TAF4B: variants seen among roughly 807,000 people sequenced by gnomAD.
The protein encoded by TAF4B is transcription initiation factor TFIID subunit 4B.
In TAF4B, 38 loss-of-function variants were observed where a neutral mutation model predicts 86.4. That is an observed-to-expected ratio of 0.44 (90% CI 0.34 to 0.58). The LOEUF (loss-of-function observed/expected upper bound fraction) is 0.58, where lower values mean the gene tolerates loss of function less well. Ranked by LOEUF, TAF4B falls within the 20% of genes least tolerant of loss-of-function variation. TAF4B has a pLI of 0.02. For synonymous variants in TAF4B, 388 were observed against 391.2 expected, an observed-to-expected ratio of 0.99 and a Z score of 0.10; for missense variants, 988 against 1,027.6, an observed-to-expected ratio of 0.96 and a Z score of 0.53.
intron 13 of TAF4B, chr18:26,348,265 G>A (rs911366477): frequency 9.9e-5 from 15 of 152,116 alleles, no homozygotes; most frequent in African/African-American, 2.9e-4. Context: ...ATAATAAGAG[G>A]AATATTAAAA....
At chr18:26,282,102 TTACTC>T (rs2056457331) in intron 6 of TAF4B, 42 bp downstream of exon 6, 7 of 1,450,510 alleles carry the variant, frequency 4.8e-6, no homozygotes, top group African/African-American at 2.8e-5. Flanking sequence ...TTGGATTAGA[TTACTC>T]TAAAATAATT....
chr18:26,229,083 G>A (rs2055622883), intron 1 of TAF4B, among the ~76,000 whole-genome samples: 1 of 152,112 alleles, frequency 6.6e-6, no homozygotes, highest in Admixed American at 6.5e-5. Flanking sequence ...TTGAGTGTCA[G>A]TACTGAAAGG....
intron 11 of TAF4B, among the ~76,000 whole-genome samples, chr18:26,322,384 T>G (rs1169447949): frequency 6.6e-6 from 1 of 151,300 alleles, no homozygotes; most frequent in Non-Finnish European, 1.5e-5. Flanking sequence ...GAATATGTGA[T>G]CAACAGGAGA....
rs145347131 is a variant in TAF4B, at chr18:26,253,091, T to A, written c.344-12079T>A. Among the ~76,000 whole-genome samples the A allele has an allele frequency of 2.6e-5, 4 of 152,314 alleles. No individual in the cohort carries two copies. The East Asian group carries it at 7.7e-4, about 29-fold the overall frequency. On this transcript the variant is annotated intron_variant, in intron 1 of 14. Transcript: ENST00000269142. ...ACCCTTGGTGGAATTCTGAATATAA[T>A]GTTGAACAAAAGTAGTGATTGTAGG...
At chr18:26,320,967 A>G in intron 10 of TAF4B, 103 bp from the exon 11 acceptor site, 2 of 1,390,712 alleles carry the variant, frequency 1.4e-6, no homozygotes, top group Non-Finnish European at 2.0e-6. Flanking sequence ...ACCTTTATTC[A>G]TAATGGGTAT....
chr18:26,286,606 G>T, intron 7 of TAF4B, 107 bp downstream of exon 7: 1 of 1,258,834 alleles, frequency 7.9e-7, no homozygotes, highest in Non-Finnish European at 1.1e-6. Context: ...ACTGTTTACG[G>T]GTTTGACCAA....
chr18:26,227,267 C>T lies in TAF4B; in HGVS notation c.334C>T (p.Leu112Phe). The change falls in exon 1 of 15, where the codon CTT (leucine) becomes TTT (phenylalanine). Residue 112 changes from leucine (L) to phenylalanine (F), a missense_variant. Around this residue, in one of 3 missense-constraint regions of TAF4B, gnomAD observed 747 missense variants for 737.9 expected, o/e 1.01. Transcript: ENST00000269142. ...AATCCAGTTTCCTGCTAATTTGCAGCTTCCTCCAGGTATGTTGATAACCCT... is the reference window on the plus strand; with the variant it reads ...AATCCAGTTTCCTGCTAATTTGCAGTTTCCTCCAGGTATGTTGATAACCCT... ...TTIQFPANLQ[L>F]PPGTVLIKSN... The T allele has an allele frequency of 6.2e-7, 1 of 1,612,768 alleles. No individual in the cohort carries two copies. Among genetic ancestry groups the T allele is most frequent in the South Asian group, 1.1e-5 (1 of 90,838 alleles).
rs2056954155 is a variant in TAF4B, at chr18:26,320,655, T to G, written c.2003-415T>G. On this transcript the variant is annotated intron_variant, in intron 10 of 14. Transcript: ENST00000269142. ...CAGAGACTCATAATCTGAATTCATT[T>G]AAATAAATGTCATAAATTGTTAACA... 2.0e-5 allele frequency among the ~76,000 whole-genome samples: 3 copies of G among 152,220 alleles called. No individual in the cohort carries two copies. In the South Asian group the frequency reaches 6.2e-4, roughly 31 times the overall value.
At chr18:26,252,969 T>A (rs7240138) in intron 1 of TAF4B, among the ~76,000 whole-genome samples, 20 of 152,096 alleles carry the variant, frequency 1.3e-4, no homozygotes, top group African/African-American at 4.6e-4. Context: ...AGGCATCCAC[T>A]GAGATTGTGG....
chr18:26,234,959 A>G (rs1365457999), intron 1 of TAF4B, among the ~76,000 whole-genome samples: 1 of 152,198 alleles, frequency 6.6e-6, no homozygotes, highest in Non-Finnish European at 1.5e-5. Context: ...TAAGATGGCC[A>G]CCGCTGCAAC....
intron 1 of TAF4B, among the ~76,000 whole-genome samples, chr18:26,231,193 C>T (rs1455485471): frequency 1.3e-5 from 2 of 151,104 alleles, no homozygotes; most frequent in Non-Finnish European, 3.0e-5. Flanking sequence ...GCATGCGCCA[C>T]CACCCTTGGC....
At chr18:26,313,873 G>A (rs79443499) in intron 9 of TAF4B, among the ~76,000 whole-genome samples, 11,497 of 151,908 alleles carry the variant, frequency 0.076, 536 homozygotes, top group Non-Finnish European at 0.1. Context: ...TCCCTATGTT[G>A]CCCAGGCTGA....
chr18:26,312,148 G>C (rs1158317096), intron 9 of TAF4B, among the ~76,000 whole-genome samples: 1 of 152,186 alleles, frequency 6.6e-6, no homozygotes, highest in Admixed American at 6.5e-5. Context: ...CACCGCATCA[G>C]ACCAGAAGAC....
chr18:26,319,623 CAT>C (rs2056943993), intron 10 of TAF4B, among the ~76,000 whole-genome samples: 2 of 151,582 alleles, frequency 1.3e-5, no homozygotes, highest in Non-Finnish European at 2.9e-5. Context: ...CAGTTTTGCT[CAT>C]GTTACCCAGG....
chr18:26,307,261 T>TA (rs1214489627), intron 9 of TAF4B, among the ~76,000 whole-genome samples: 3 of 143,392 alleles, frequency 2.1e-5, no homozygotes, highest in Non-Finnish European at 4.8e-5. Context: ...TTTGTTAACT[T>TA]ACACTTTTCG....
At chr18:26,310,874 A>G (rs754766184) in intron 9 of TAF4B, among the ~76,000 whole-genome samples, 20 of 152,004 alleles carry the variant, frequency 1.3e-4, no homozygotes, top group Non-Finnish European at 2.4e-4. Context: ...TATTGATGGT[A>G]CATGACAAGA....
intron 9 of TAF4B, among the ~76,000 whole-genome samples, chr18:26,302,355 T>C (rs2056743031): frequency 6.7e-6 from 1 of 148,730 alleles, no homozygotes; most frequent in Non-Finnish European, 1.5e-5. Context: ...CTAAAAGTTT[T>C]GAAGTTTCAT....
At chr18:26,358,639 G>A (rs1406007077) in intron 14 of TAF4B, among the ~76,000 whole-genome samples, 2 of 152,212 alleles carry the variant, frequency 1.3e-5, no homozygotes, top group Non-Finnish European at 2.9e-5. Context: ...GAACCCGGAA[G>A]GCGGAGGTTA....
intron 13 of TAF4B, among the ~76,000 whole-genome samples, chr18:26,344,907 C>G (rs1387514799): frequency 1.3e-5 from 2 of 152,134 alleles, no homozygotes; most frequent in Non-Finnish European, 2.9e-5. Flanking sequence ...GTCTTCCCCA[C>G]CTGGACTGAA....
Sources: allele counts gnomAD v4.1 joint callset (sites outside exome capture counted in the v4.1 genomes callset), GRCh38; gene constraint gnomAD v4.1.1; regional missense constraint gnomAD v4.1.1; transcripts MANE v1.5; gene names NCBI Gene and HGNC (gene_info 2026-07-23, HGNC 2026-07-21).